Variants in PTPN13 observed in about 807,000 individuals in gnomAD.
PTPN13 encodes tyrosine-protein phosphatase non-receptor type 13.
Under a neutral mutation model 284.0 loss-of-function variants are expected in PTPN13, and 191 were observed. The observed-to-expected ratio is 0.67, with a 90% CI of 0.60 to 0.76. The LOEUF (loss-of-function observed/expected upper bound fraction) is 0.76. PTPN13 is among the 30% of genes least tolerant of loss of function. The pLI is 0.00. For missense variants in PTPN13, 2,797 were observed against 2,939.9 expected (o/e 0.95, Z 1.12); for synonymous variants, 986 against 1,022.3 (o/e 0.96, Z 0.68).
chr4:86,786,295 G>A lies in PTPN13; in HGVS notation c.6345+359G>A, dbSNP rs565294415. The stretch of plus-strand genomic sequence containing the variant: ...TTATATTTCAGGTTCTTCAAGCTCA[G>A]CATCACCCTATGTATACAAATCTGA... On this transcript the variant is annotated intron_variant, in intron 40 of 47. Transcript: ENST00000411767. 7.2e-5 allele frequency among the ~76,000 whole-genome samples: 11 copies of A among 152,248 alleles called. 1 individual carries two copies. In the South Asian group the frequency reaches 2.3e-3, roughly 32 times the overall value.
At chr4:86,726,087 A>G (rs1734218405) in intron 10 of PTPN13, among the ~76,000 whole-genome samples, 1 of 149,530 alleles carries the variant, frequency 6.7e-6, no homozygotes, top group Non-Finnish European at 1.5e-5. Context: ...TCCTTTCTAC[A>G]TTTCTTGTTT....
intron 5 of PTPN13, among the ~76,000 whole-genome samples, chr4:86,690,660 C>G (rs1214610076): frequency 6.6e-6 from 1 of 152,066 alleles, no homozygotes; most frequent in Non-Finnish European, 1.5e-5. Context: ...ACCACACTTT[C>G]TCTAAGACTT....
intron 6 of PTPN13, among the ~76,000 whole-genome samples, chr4:86,699,172 G>A (rs1365577208): frequency 6.6e-6 from 1 of 152,066 alleles, no homozygotes; most frequent in Non-Finnish European, 1.5e-5. Context: ...CAGATCACGA[G>A]GTCAGGAGAT....
rs1370562232 is a variant in PTPN13 at position 86,758,282 on chromosome 4, C to G, written c.3246C>G (p.Ser1082Arg). ...TAGATGTGCTACACAAAAGATGGAG[C>G]ATAGTATCTTCACCAGAAAGGGAGA... ...KENDVLHKRW[S>R]IVSSPEREIT... The change falls in exon 21 of 48, where the codon AGC (serine) becomes AGG (arginine). Residue 1082 changes from serine (S) to arginine (R), a missense_variant. Ser to Arg is a moderately radical substitution (Grantham distance 110). Transcript: ENST00000411767. 6.2e-7 allele frequency: 1 copy of G among 1,610,262 alleles called. No homozygotes were observed. The highest frequency in any genetic ancestry group is 1.1e-5 in the South Asian group (1 of 90,378).
chr4:86,769,865 G>A lies in PTPN13; in HGVS notation c.4586G>A (p.Ser1529Asn). 1.2e-6 allele frequency: 2 copies of A among 1,613,876 alleles called. No homozygotes were observed. Among genetic ancestry groups the A allele is most frequent in the Non-Finnish European group, 1.7e-6 (2 of 1,179,810 alleles). The change falls in exon 29 of 48, where the codon AGC becomes AAC. Residue 1529 changes from serine to asparagine, a missense_variant. Transcript: ENST00000411767. ...CTTATACCGGAGCAAATTAATGCCAGCATAGTAAGGGTTAAAAAGCTCTTT... is the reference window on the plus strand; with the variant it reads ...CTTATACCGGAGCAAATTAATGCCAACATAGTAAGGGTTAAAAAGCTCTTT... ...DNLIPEQINASIVRVKKLFPG... is the reference protein window; with the variant it reads ...DNLIPEQINANIVRVKKLFPG...
chr4:86,812,692 G>A (rs1409791643), intron 47 of PTPN13, among the ~76,000 whole-genome samples: 1 of 152,094 alleles, frequency 6.6e-6, no homozygotes, highest in Non-Finnish European at 1.5e-5. Flanking sequence ...TGAGTGTTCA[G>A]GTATGGTCAC....
chr4:86,807,253 G>T (rs914068528), intron 44 of PTPN13, among the ~76,000 whole-genome samples: 1 of 151,770 alleles, frequency 6.6e-6, no homozygotes, highest in Non-Finnish European at 1.5e-5. Flanking sequence ...TACTTATTAG[G>T]CAATTCTAAA....
At chr4:86,808,861 A>G (rs533707820) in intron 45 of PTPN13, among the ~76,000 whole-genome samples, 6 of 152,280 alleles carry the variant, frequency 3.9e-5, no homozygotes, top group African/African-American at 1.2e-4. Context: ...AAAAATAGAG[A>G]AGGACAATTG....
intron 27 of PTPN13, 193 bp downstream of exon 27, chr4:86,766,710 G>T: frequency 2.4e-6 from 1 of 419,440 alleles, no homozygotes. Context: ...TTTTTACTGA[G>T]GAAGCTGACT....
At chr4:86,713,063 G>T (rs962227886) in intron 7 of PTPN13, among the ~76,000 whole-genome samples, 1 of 152,064 alleles carries the variant, frequency 6.6e-6, no homozygotes, top group Non-Finnish European at 1.5e-5. Flanking sequence ...TTAATATGGG[G>T]TGTGAAATTG....
At chr4:86,679,061 G>A (rs1464456731) in intron 3 of PTPN13, among the ~76,000 whole-genome samples, 1 of 152,128 alleles carries the variant, frequency 6.6e-6, no homozygotes, top group East Asian at 1.9e-4. Flanking sequence ...GTACTGTATT[G>A]GCCTTGTCTG....
chr4:86,639,586 C>G, intron 2 of PTPN13, among the ~76,000 whole-genome samples: 1 of 151,642 alleles, frequency 6.6e-6, no homozygotes, highest in Non-Finnish European at 1.5e-5. Flanking sequence ...GGACAAAAAA[C>G]CAAACACCGC....
intron 23 of PTPN13, among the ~76,000 whole-genome samples, chr4:86,760,128 T>A (rs954053840): frequency 3.3e-5 from 5 of 152,174 alleles, no homozygotes; most frequent in Non-Finnish European, 1.5e-5. Flanking sequence ...TTATATATAT[T>A]TTGTATGTCT....
chr4:86,727,249 A>G (rs933107646), intron 10 of PTPN13, among the ~76,000 whole-genome samples: 1 of 149,712 alleles, frequency 6.7e-6, no homozygotes, highest in East Asian at 1.9e-4. Context: ...ATTGATGTTC[A>G]TCAGGGATAT....
Position 86,595,684 on chromosome 4 carries a change from C to T in PTPN13, c.-6+895C>T, listed in dbSNP as rs146261169. On this transcript the variant is annotated intron_variant, in intron 1 of 47. Transcript: ENST00000411767. ...ACGCGGTGACTTCATAGGGAGCTGCCTGGAGCTGAGCTCCCTCGCAGAAAA... is the reference window on the plus strand; with the variant it reads ...ACGCGGTGACTTCATAGGGAGCTGCTTGGAGCTGAGCTCCCTCGCAGAAAA... The T allele has an allele frequency of 8.5e-6, 8 of 940,860 alleles. No individual in the cohort carries two copies. In the African/African-American group the frequency reaches 1.2e-4, roughly 15 times the overall value. The allele number at this position is 940,860 out of a possible 1,614,324, so 58.3% of individuals were successfully genotyped here.
At chr4:86,666,958 T>G (rs111365037) in intron 2 of PTPN13, among the ~76,000 whole-genome samples, 7,045 of 152,312 alleles carry the variant, frequency 0.046, 218 homozygotes, top group African/African-American at 0.06. Context: ...AGTATTCACC[T>G]ATGCAAGCTT....
intron 25 of PTPN13, 70 bp downstream of exon 25, chr4:86,764,794 T>A: frequency 6.7e-7 from 1 of 1,492,926 alleles, no homozygotes; most frequent in Non-Finnish European, 8.9e-7. Flanking sequence ...ATGTCAACTT[T>A]TTAATTGAAT....
chr4:86,651,333 T>G (rs906333051), intron 2 of PTPN13, among the ~76,000 whole-genome samples: 2 of 152,164 alleles, frequency 1.3e-5, no homozygotes, highest in African/African-American at 2.4e-5. Flanking sequence ...TTGTTGAGGA[T>G]TTTTGCATTT....
chr4:86,735,535 A>G (rs374841830), intron 14 of PTPN13, 59 bp from the exon 15 acceptor site: 3 of 1,561,772 alleles, frequency 1.9e-6, no homozygotes, highest in South Asian at 1.2e-5. Flanking sequence ...AGATAGAAGG[A>G]AAAGGGTTTA....
Sources: allele counts gnomAD v4.1 joint callset (sites outside exome capture counted in the v4.1 genomes callset), GRCh38; gene constraint gnomAD v4.1.1; transcripts MANE v1.5; gene names NCBI Gene and HGNC (gene_info 2026-07-23, HGNC 2026-07-21).